Variants in CACNA1C observed in about 807,000 individuals in gnomAD.
CACNA1C encodes the protein calcium voltage-gated channel subunit alpha1 C.
A neutral mutation model predicts 229.0 loss-of-function variants in CACNA1C; 30 were observed. That is an observed-to-expected ratio of 0.13 (90% CI 0.10 to 0.18). The LOEUF (loss-of-function observed/expected upper bound fraction) is 0.18, where lower values mean the gene tolerates loss of function less well. Among genes scored for constraint, CACNA1C ranks in the 10% least tolerant of loss-of-function variants. CACNA1C has a pLI of 1.00. For missense variants in CACNA1C, 1,658 were observed against 2,845.0 expected (o/e 0.58, Z 9.49); for synonymous variants, 1,114 against 1,132.5 (o/e 0.98, Z 0.33).
chr12:2,226,999 T>C (rs904178975), intron 3 of CACNA1C, among the ~76,000 whole-genome samples: 1 of 152,232 alleles, frequency 6.6e-6, no homozygotes, highest in Admixed American at 6.5e-5. Context: ...CAGATATTGC[T>C]GCCGTTACTG....
rs2097844670 is a variant in CACNA1C at position 2,696,663 on chromosome 12, T to G, written c.*5464T>G. ...TTGTAAGTTTTAAGAGAGGGTCATT[T>G]CTATGTGAGGAAATGCAGAAATGGA... On this transcript the variant is annotated 3_prime_UTR_variant, in exon 47 of 47. Coordinates refer to ENST00000399655, the MANE Select transcript of CACNA1C (RefSeq NM_000719.7). 1 of 152,028 alleles carries G rather than the reference T, an allele frequency of 6.6e-6. No homozygotes were observed. The highest frequency in any genetic ancestry group is 2.1e-4 in the South Asian group (1 of 4,824). 9.4% of individuals were successfully genotyped at this position (152,028 alleles called of 1,614,324 possible).
chr12:2,574,660 T>C (rs2057716420), intron 13 of CACNA1C, among the ~76,000 whole-genome samples: 1 of 152,220 alleles, frequency 6.6e-6, no homozygotes, highest in South Asian at 2.1e-4. Context: ...AATGTCTCCA[T>C]GTCCCTACCA....
chr12:2,528,453 T>C (rs959922037), intron 9 of CACNA1C, among the ~76,000 whole-genome samples: 2 of 152,162 alleles, frequency 1.3e-5, no homozygotes, highest in Non-Finnish European at 2.9e-5. Flanking sequence ...TCCTGCAGGA[T>C]TGCCTGCACC....
intron 9 of CACNA1C, among the ~76,000 whole-genome samples, chr12:2,516,051 G>A (rs1271823929): frequency 6.6e-6 from 1 of 151,934 alleles, no homozygotes; most frequent in African/African-American, 2.4e-5. Context: ...TGCCAGAGAG[G>A]GGGGAAGCAG....
chr12:2,377,574 A>G (rs1265763007), intron 3 of CACNA1C, among the ~76,000 whole-genome samples: 1 of 152,198 alleles, frequency 6.6e-6, no homozygotes, highest in African/African-American at 2.4e-5. Flanking sequence ...GAAGACAGCC[A>G]GGAAATACTA....
chr12:2,155,885 C>T (rs192359707), intron 3 of CACNA1C, among the ~76,000 whole-genome samples: 5 of 152,246 alleles, frequency 3.3e-5, no homozygotes, highest in African/African-American at 1.2e-4. Flanking sequence ...TTTATCTTAA[C>T]GTTGAACAAA....
Position 2,585,249 on chromosome 12 carries a change from A to G in CACNA1C, c.2340-127A>G. ...CACGAGAAGCGTCCTGGAGAAAGGA[A>G]GATGGACTCAGACCCAGGGGATCTG... On this transcript the variant is annotated intron_variant, in intron 16 of 46. Coordinates refer to ENST00000399655, the MANE Select transcript of CACNA1C (RefSeq NM_000719.7). The surrounding 1 kb of genome is among the most constrained non-coding windows in gnomAD (Gnocchi z 4.1). 1.2e-6 allele frequency: 1 copy of G among 838,328 alleles called. No homozygotes were observed. The highest frequency in any genetic ancestry group is 1.8e-6 in the Non-Finnish European group (1 of 567,936). 51.9% of individuals were successfully genotyped at this position (838,328 alleles called of 1,614,324 possible). A position where few individuals can be genotyped will look rare whatever the true frequency, so the allele number is the denominator to read the frequency against.
intron 3 of CACNA1C, among the ~76,000 whole-genome samples, chr12:2,439,362 G>T (rs1398529109): frequency 6.6e-6 from 1 of 152,238 alleles, no homozygotes; most frequent in Admixed American, 6.5e-5. Context: ...GTAGGTTGCA[G>T]TTGGAAAAAC....
Position 2,638,554 on chromosome 12 carries a change from A to G in CACNA1C, c.3912+4174A>G, listed in dbSNP as rs145701473. 1.9e-3 allele frequency among the ~76,000 whole-genome samples: 296 copies of G among 152,362 alleles called. 2 individuals are homozygous for G. The highest frequency in any genetic ancestry group is 6.7e-3 in the African/African-American group (278 of 41,578). ...TAAAGAGACCACTCTGGCTGGCTGT[A>G]GGAGTCAAGGGTGGAATCTGGAAGA... On this transcript the variant is annotated intron_variant, in intron 30 of 46. Transcript: ENST00000399655.
chr12:2,474,479 G>T (rs1478820326), intron 5 of CACNA1C, among the ~76,000 whole-genome samples: 1 of 152,216 alleles, frequency 6.6e-6, no homozygotes, highest in East Asian at 1.9e-4. Flanking sequence ...GCCAGGCCAG[G>T]CGCAGTAGCT....
intron 3 of CACNA1C, among the ~76,000 whole-genome samples, chr12:2,302,094 C>T (rs1420245305): frequency 6.6e-6 from 1 of 152,170 alleles, no homozygotes; most frequent in Non-Finnish European, 1.5e-5. Flanking sequence ...AAAGATACTG[C>T]TTTTGAGGCT....
At chr12:2,501,163 C>T (rs1048341042) in intron 7 of CACNA1C, among the ~76,000 whole-genome samples, 3 of 138,138 alleles carry the variant, frequency 2.2e-5, no homozygotes, top group African/African-American at 8.1e-5. Context: ...GAGCCAAGAT[C>T]ACGCCACTGC....
rs1053219037 is a variant in CACNA1C at position 2,067,441 on chromosome 12, A to G, written c.49+13830A>G. Among the ~76,000 whole-genome samples the G allele has an allele frequency of 9.3e-6, 1 of 107,782 alleles. No homozygotes were observed. Among genetic ancestry groups the G allele is most frequent in the African/African-American group, 3.3e-5 (1 of 30,266 alleles). The allele number at this position is 107,782 out of a possible 152,430, so 70.7% of individuals were successfully genotyped here. ...GGATGTGGGCTTAGGACTGTGGACTAGGATGCACGTGTGTGTGTGTGTGTG... is the reference window on the plus strand; with the variant it reads ...GGATGTGGGCTTAGGACTGTGGACTGGGATGCACGTGTGTGTGTGTGTGTG... On this transcript the variant is annotated intron_variant, in intron 1 of 46. Coordinates refer to ENST00000399655, the MANE Select transcript of CACNA1C (RefSeq NM_000719.7). The surrounding 1 kb of genome is among the most constrained non-coding windows in gnomAD (Gnocchi z 5.3).
intron 3 of CACNA1C, among the ~76,000 whole-genome samples, chr12:2,227,644 T>C (rs926125807): frequency 3.3e-5 from 5 of 152,210 alleles, no homozygotes; most frequent in Non-Finnish European, 5.9e-5. Context: ...AAGGTCATTC[T>C]CCCATCAGTT....
At chr12:2,075,778 T>A (rs546364330) in intron 1 of CACNA1C, among the ~76,000 whole-genome samples, 61 of 152,332 alleles carry the variant, frequency 4.0e-4, no homozygotes, top group African/African-American at 1.4e-3. Flanking sequence ...CCCAGAGTCC[T>A]GGCTTGTGCT....
At chr12:2,411,979 A>T (rs1392961132) in intron 3 of CACNA1C, among the ~76,000 whole-genome samples, 2 of 152,152 alleles carry the variant, frequency 1.3e-5, no homozygotes, top group Admixed American at 6.5e-5. Context: ...TGGAGCCAGG[A>T]AGAGGCTTTC....
intron 3 of CACNA1C, among the ~76,000 whole-genome samples, chr12:2,158,633 C>T (rs558590984): frequency 1.4e-4 from 21 of 152,188 alleles, no homozygotes; most frequent in African/African-American, 4.8e-4. Flanking sequence ...GGAGAATTGC[C>T]CTCAAAGTTC....
intron 3 of CACNA1C, among the ~76,000 whole-genome samples, chr12:2,225,382 C>T (rs966328923): frequency 1.3e-5 from 2 of 152,112 alleles, no homozygotes; most frequent in East Asian, 3.8e-4. Context: ...ATAACAGTAG[C>T]ATAAATAATT....
intron 4 of CACNA1C, among the ~76,000 whole-genome samples, chr12:2,453,403 G>A (rs2099396201): frequency 6.6e-6 from 1 of 152,092 alleles, no homozygotes; most frequent in South Asian, 2.1e-4. Flanking sequence ...ATCTGATATG[G>A]AGACCCACTC....
Sources: gnomAD v4.1 joint callset for allele counts (sites outside exome capture counted in the v4.1 genomes callset) on GRCh38, gnomAD v4.1.1 for gene constraint, Gnocchi (gnomAD v3.1) non-coding constraint, MANE v1.5 for transcripts, NCBI Gene and HGNC (gene_info 2026-07-23, HGNC 2026-07-21) for gene names.